Variants in PHACTR4 observed in about 807,000 individuals in gnomAD.
PHACTR4 encodes protein phosphatase 1, regulatory subunit 124.
In PHACTR4, 51 loss-of-function variants were observed where a neutral mutation model predicts 72.7. The observed-to-expected ratio is 0.70, with a 90% CI of 0.56 to 0.89. The LOEUF (loss-of-function observed/expected upper bound fraction) is 0.89, where lower values mean the gene tolerates loss of function less well. Among genes scored for constraint, PHACTR4 ranks in the 40% least tolerant of loss-of-function variants. PHACTR4 has a pLI of 0.00. For synonymous variants in PHACTR4, 255 were observed against 302.5 expected (o/e 0.84, Z 1.63); for missense variants, 731 against 861.8 (o/e 0.85, Z 1.90).
intron 1 of PHACTR4, among the ~76,000 whole-genome samples, chr1:28,385,702 C>T (rs937123130): frequency 1.0e-4 from 15 of 150,630 alleles, no homozygotes; most frequent in African/African-American, 3.4e-4. Context: ...CTGCAACCTC[C>T]GCTTCTGGGT....
intron 2 of PHACTR4, among the ~76,000 whole-genome samples, chr1:28,411,847 C>A (rs1159416699): frequency 1.3e-5 from 2 of 148,512 alleles, no homozygotes; most frequent in Non-Finnish European, 3.0e-5. Context: ...CAGAAACCAC[C>A]CAAAAGAAAG....
chr1:28,391,975 G>A (rs1050807098), intron 1 of PHACTR4, among the ~76,000 whole-genome samples: 4 of 152,012 alleles, frequency 2.6e-5, no homozygotes, highest in African/African-American at 4.8e-5. Flanking sequence ...ACAAAGAAAC[G>A]TAATTATTTT....
At chr1:28,451,616 C>A (rs561433022) in intron 2 of PHACTR4, among the ~76,000 whole-genome samples, 6 of 151,492 alleles carry the variant, frequency 4.0e-5, no homozygotes, top group African/African-American at 1.2e-4. Flanking sequence ...TTAATTAGAT[C>A]TAATCAGCCA....
At chr1:28,398,538 G>A (rs1356140066) in intron 1 of PHACTR4, among the ~76,000 whole-genome samples, 2 of 151,358 alleles carry the variant, frequency 1.3e-5, no homozygotes, top group East Asian at 2.0e-4. Context: ...AATAAAATAG[G>A]CCGAGCACGG....
At chr1:28,426,521 AG>A (rs1655858050) in intron 2 of PHACTR4, among the ~76,000 whole-genome samples, 3 of 151,882 alleles carry the variant, frequency 2.0e-5, no homozygotes. Flanking sequence ...CCAATTAGCC[AG>A]GCGTGGTGGT....
chr1:28,446,247 A>G (rs1657459256), intron 2 of PHACTR4, among the ~76,000 whole-genome samples: 1 of 152,192 alleles, frequency 6.6e-6, no homozygotes, highest in South Asian at 2.1e-4. Flanking sequence ...CTGTTATCAA[A>G]TTTGGACTAC....
intron 8 of PHACTR4, among the ~76,000 whole-genome samples, chr1:28,478,626 T>TTGTTTC (rs2124517708): frequency 6.6e-6 from 1 of 152,238 alleles, no homozygotes; most frequent in African/African-American, 2.4e-5. Context: ...GTTTTTGTTT[T>TTGTTTC]TGTTTTTTTA....
intron 9 of PHACTR4, 58 bp downstream of exon 9, chr1:28,480,662 T>C: frequency 6.3e-7 from 1 of 1,589,082 alleles, no homozygotes; most frequent in Non-Finnish European, 8.6e-7. Context: ...TTGTGTTAGA[T>C]GTTGTTAGAT....
intron 1 of PHACTR4, among the ~76,000 whole-genome samples, chr1:28,383,094 C>T (rs1353091121): frequency 2.6e-5 from 4 of 152,116 alleles, no homozygotes; most frequent in Admixed American, 6.6e-5. Context: ...CGCCTGGCCT[C>T]GTGCACCATT....
chr1:28,369,841 A>G lies in PHACTR4; in HGVS notation c.-39+16A>G, dbSNP rs1162334595. On this transcript the variant is annotated intron_variant, in intron 1 of 13. Transcript: ENST00000373839. ...GGAGATCTGGGTAAGTTCAGCGAGC[A>G]AGGGAAAGTGAGCAGGACGCGCTCA... The G allele has an allele frequency of 2.2e-6, 1 of 445,972 alleles. No homozygotes were observed. Among genetic ancestry groups the G allele is most frequent in the Admixed American group, 2.4e-5 (1 of 41,136 alleles). 27.6% of individuals were successfully genotyped at this position (445,972 alleles called of 1,614,324 possible). A position where few individuals can be genotyped will look rare whatever the true frequency, so the allele number is the denominator to read the frequency against.
intron 9 of PHACTR4, 99 bp from the exon 10 acceptor site, chr1:28,489,067 TCTTA>T (rs1392758575): frequency 5.4e-6 from 4 of 734,970 alleles, no homozygotes; most frequent in Non-Finnish European, 8.8e-6. Flanking sequence ...TTTGTTGATT[TCTTA>T]CTTATATAGG....
At chr1:28,479,154 C>T (rs1166818791) in intron 8 of PHACTR4, among the ~76,000 whole-genome samples, 1 of 151,808 alleles carries the variant, frequency 6.6e-6, no homozygotes, top group Non-Finnish European at 1.5e-5. Context: ...GCCACGGTGG[C>T]TCACACCTAT....
chr1:28,428,071 A>G (rs1393768383), intron 2 of PHACTR4, among the ~76,000 whole-genome samples: 1 of 152,348 alleles, frequency 6.6e-6, no homozygotes, highest in East Asian at 1.9e-4. Context: ...TTTAAAACAG[A>G]ATATTGAATC....
chr1:28,488,860 C>T (rs567328615), intron 9 of PHACTR4, among the ~76,000 whole-genome samples: 3 of 152,154 alleles, frequency 2.0e-5, no homozygotes, highest in Admixed American at 1.3e-4. Flanking sequence ...TCCAAACCTT[C>T]GCTTCACGGA....
intron 4 of PHACTR4, 121 bp downstream of exon 4, chr1:28,460,413 C>A: frequency 1.5e-6 from 1 of 672,774 alleles, no homozygotes. Context: ...TGGAGGGTGG[C>A]CTTTAAAAAA....
chr1:28,384,151 T>G (rs1416489576), intron 1 of PHACTR4, among the ~76,000 whole-genome samples: 2 of 152,202 alleles, frequency 1.3e-5, no homozygotes, highest in African/African-American at 4.8e-5. Flanking sequence ...TGCCAAGTTT[T>G]GGTATCAGGA....
chr1:28,496,507 A>C (rs370930141), intron 13 of PHACTR4, 27 bp from the exon 14 acceptor site: 216 of 1,612,372 alleles, frequency 1.3e-4, no homozygotes, highest in Non-Finnish European at 1.7e-4. Flanking sequence ...TCATGTGGTA[A>C]CTTGTCTCTT....
At chr1:28,416,494 A>C (rs192117751) in intron 2 of PHACTR4, among the ~76,000 whole-genome samples, 15 of 152,348 alleles carry the variant, frequency 9.8e-5, no homozygotes, top group Admixed American at 9.8e-4. Context: ...ATATTATGTA[A>C]TTATTTTTTC....
chr1:28,393,394 A>G (rs1653213616), intron 1 of PHACTR4, among the ~76,000 whole-genome samples: 1 of 152,244 alleles, frequency 6.6e-6, no homozygotes, highest in Non-Finnish European at 1.5e-5. Context: ...AATGCACTGC[A>G]TAATAACACT....
Sources: gnomAD v4.1 joint callset for allele counts (sites outside exome capture counted in the v4.1 genomes callset) on GRCh38, gnomAD v4.1.1 for gene constraint, MANE v1.5 for transcripts, NCBI Gene and HGNC (gene_info 2026-07-23, HGNC 2026-07-21) for gene names.